ALK: variants seen among roughly 807,000 people sequenced by gnomAD.
ALK encodes the protein ALK tyrosine kinase receptor.
A neutral mutation model predicts 163.1 loss-of-function variants in ALK; 74 were observed. The ratio of observed to expected loss-of-function variants is 0.45; its 90% CI spans 0.38 to 0.55. ALK has a LOEUF of 0.55. ALK is among the 20% of genes least tolerant of loss of function. ALK has a pLI of 0.00. For missense variants in ALK, 2,063 were observed against 2,105.3 expected (o/e 0.98, Z 0.39); for synonymous variants, 960 against 843.2 (o/e 1.14, Z -2.40).
intron 3 of ALK, among the ~76,000 whole-genome samples, chr2:29,665,960 C>T (rs996655299): frequency 1.9e-4 from 29 of 152,106 alleles, no homozygotes; most frequent in African/African-American, 6.5e-4. Flanking sequence ...TTCCCTGCCC[C>T]ATGTCTCCCT....
At chr2:29,900,999 A>G (rs986874424) in intron 1 of ALK, among the ~76,000 whole-genome samples, 1 of 119,876 alleles carries the variant, frequency 8.3e-6, no homozygotes, top group Non-Finnish European at 1.7e-5. Context: ...GAGAGAGAGC[A>G]AGCAAGCAAG....
At chr2:29,516,162 T>G (rs2148145092) in intron 4 of ALK, among the ~76,000 whole-genome samples, 1 of 152,320 alleles carries the variant, frequency 6.6e-6, no homozygotes, top group East Asian at 1.9e-4. Flanking sequence ...ATTATGTACA[T>G]GTCTCTCCTC....
chr2:29,481,731 T>C (rs74482597), intron 4 of ALK, among the ~76,000 whole-genome samples: 2,015 of 152,274 alleles, frequency 0.013, 25 homozygotes, highest in African/African-American at 0.029. Flanking sequence ...GACTTCTCTC[T>C]CCAGCTGTCA....
intron 1 of ALK, among the ~76,000 whole-genome samples, chr2:29,902,220 T>C (rs1039841224): frequency 6.6e-6 from 1 of 152,102 alleles, no homozygotes; most frequent in Admixed American, 6.6e-5. Context: ...CAACTCTTCC[T>C]CCCCAATGTT....
chr2:29,676,447 C>A (rs1024571088), intron 3 of ALK, among the ~76,000 whole-genome samples: 8 of 151,932 alleles, frequency 5.3e-5, no homozygotes, highest in Non-Finnish European at 1.0e-4. Flanking sequence ...CCTCAGGCAC[C>A]TTTGTCAAAA....
intron 4 of ALK, among the ~76,000 whole-genome samples, chr2:29,397,424 T>C (rs927380979): frequency 2.0e-5 from 3 of 152,212 alleles, no homozygotes; most frequent in African/African-American, 7.2e-5. Context: ...GCTGACACCT[T>C]GATCTTGGAC....
At chr2:29,197,458 TAAA>T in intron 27 of ALK, 81 bp downstream of exon 27, 2 of 1,589,800 alleles carry the variant, frequency 1.3e-6, no homozygotes, top group Non-Finnish European at 1.7e-6. Flanking sequence ...CCCTTCATCT[TAAA>T]GAAGCATATG....
At chr2:29,219,233 C>A (rs1316629071) in intron 23 of ALK, among the ~76,000 whole-genome samples, 1 of 152,148 alleles carries the variant, frequency 6.6e-6, no homozygotes, top group Non-Finnish European at 1.5e-5. Flanking sequence ...CTCCCTGCTC[C>A]CTGCCCAGTC....
chr2:29,281,343 T>C (rs1034324806), intron 9 of ALK, among the ~76,000 whole-genome samples: 1 of 152,140 alleles, frequency 6.6e-6, no homozygotes, highest in African/African-American at 2.4e-5. Flanking sequence ...CCTTCCTCTC[T>C]GTGGGCAGCC....
At chr2:29,267,221 G>C (rs748164165) in intron 11 of ALK, among the ~76,000 whole-genome samples, 11 of 151,622 alleles carry the variant, frequency 7.3e-5, no homozygotes, top group Non-Finnish European at 1.6e-4. Context: ...AACCCTCCAA[G>C]AACTGCCAAC....
At chr2:29,235,985 G>A (rs1481441370) in intron 13 of ALK, among the ~76,000 whole-genome samples, 1 of 147,772 alleles carries the variant, frequency 6.8e-6, no homozygotes, top group African/African-American at 2.5e-5. Context: ...TGGGAGTACA[G>A]GTACGAAATA....
intron 4 of ALK, among the ~76,000 whole-genome samples, chr2:29,501,264 T>A (rs1222720581): frequency 6.6e-6 from 1 of 152,210 alleles, no homozygotes; most frequent in East Asian, 1.9e-4. Flanking sequence ...TGAATGTCAA[T>A]GTCTTATTCC....
chr2:29,714,646 G>A (rs1462159454), intron 2 of ALK, among the ~76,000 whole-genome samples: 1 of 152,154 alleles, frequency 6.6e-6, no homozygotes, highest in African/African-American at 2.4e-5. Context: ...AACCAAGCGT[G>A]GACTTCCATG....
intron 2 of ALK, among the ~76,000 whole-genome samples, chr2:29,698,463 C>A (rs1316628777): frequency 1.3e-5 from 2 of 152,188 alleles, no homozygotes; most frequent in African/African-American, 2.4e-5. Context: ...CCCACATTGA[C>A]AATTATCAGT....
At chr2:29,229,533 C>T (rs1299672032) in intron 15 of ALK, among the ~76,000 whole-genome samples, 6 of 152,246 alleles carry the variant, frequency 3.9e-5, no homozygotes, top group African/African-American at 1.4e-4. Context: ...AAACCTTGCA[C>T]TAAAGTTCCT....
At chr2:29,508,868 C>T (rs1030844000) in intron 4 of ALK, among the ~76,000 whole-genome samples, 2 of 151,766 alleles carry the variant, frequency 1.3e-5, no homozygotes, top group African/African-American at 4.8e-5. Context: ...CTGCTTAAGC[C>T]ATCTAATTCA....
At chr2:29,214,200 G>A (rs1669540197) in intron 23 of ALK, 119 bp from the exon 24 acceptor site, 7 of 835,622 alleles carry the variant, frequency 8.4e-6, no homozygotes, top group Admixed American at 8.1e-5. Flanking sequence ...GCTACACCAG[G>A]GGCCTCGGCC....
At chr2:29,872,723 GA>G (rs1666611753) in intron 1 of ALK, among the ~76,000 whole-genome samples, 1 of 152,128 alleles carries the variant, frequency 6.6e-6, no homozygotes, top group Admixed American at 6.5e-5. Context: ...TTATAAAGTC[GA>G]AAAATCATAA....
chr2:29,845,616 TAG>T (rs769104789), intron 1 of ALK, among the ~76,000 whole-genome samples: 1 of 152,168 alleles, frequency 6.6e-6, no homozygotes, highest in East Asian at 1.9e-4. Context: ...GTATTTTTAG[TAG>T]AGACAGGATT....
Sources: gnomAD v4.1 joint callset for allele counts (sites outside exome capture counted in the v4.1 genomes callset) on GRCh38, gnomAD v4.1.1 for gene constraint, MANE v1.5 for transcripts, NCBI Gene and HGNC (gene_info 2026-07-23, HGNC 2026-07-21) for gene names.